AK8: variants seen among roughly 807,000 people sequenced by gnomAD.
AK8 encodes ATP-AMP transphosphorylase 8.
AK8 carries 44 observed loss-of-function variants against 54.6 expected under a neutral mutation model. That is an observed-to-expected ratio of 0.81 (90% CI 0.63 to 1.04). AK8 has a LOEUF of 1.04. Among genes scored for constraint, AK8 ranks in the 50% least tolerant of loss-of-function variants. AK8 has a pLI of 0.00. For missense variants in AK8, 555 were observed against 613.6 expected (o/e 0.90, Z 1.01); for synonymous variants, 239 against 245.6 (o/e 0.97, Z 0.25).
At chr9:132,816,240 G>C (rs1841321662) in intron 9 of AK8, among the ~76,000 whole-genome samples, 1 of 152,000 alleles carries the variant, frequency 6.6e-6, no homozygotes, top group Non-Finnish European at 1.5e-5. Context: ...TGTAATCCCA[G>C]CTACTTGGGA....
At chr9:132,786,758 G>A (rs1449999627) in intron 11 of AK8, among the ~76,000 whole-genome samples, 1 of 151,562 alleles carries the variant, frequency 6.6e-6, no homozygotes, top group Non-Finnish European at 1.5e-5. Context: ...AACATCTAAG[G>A]GTAAAAAAAG....
chr9:132,798,191 C>T (rs1588142182), intron 10 of AK8, among the ~76,000 whole-genome samples: 2 of 152,286 alleles, frequency 1.3e-5, no homozygotes, highest in East Asian at 3.9e-4. Context: ...TGGCAGCACG[C>T]AGGGTTGAGG....
At position 132,878,195 on chromosome 9, in the gene AK8, T is replaced by C. The variant is rs757727943; in HGVS notation, c.61A>G (p.Asn21Asp). The C allele has an allele frequency of 2.0e-6, 3 of 1,478,262 alleles. No individual in the cohort carries two copies. Among genetic ancestry groups the C allele is most frequent in the Non-Finnish European group, 2.7e-6 (3 of 1,112,118 alleles). 91.6% of individuals were successfully genotyped at this position (1,478,262 alleles called of 1,614,324 possible). A position where few individuals can be genotyped will look rare whatever the true frequency, so the allele number is the denominator to read the frequency against. Residue 21 changes from asparagine (N) to aspartate (D), a missense_variant, in exon 1 of 13, where the codon AAC becomes GAC. Physicochemically the swap from Asn to Asp is conservative, Grantham distance 23. Coordinates refer to ENST00000298545, the MANE Select transcript of AK8 (RefSeq NM_152572.3). This position sits in a 1 kb window ranked among gnomAD's most constrained non-coding sequence, Gnocchi z 4.7. ...PPEMPQYGEENHIFELMQNML... is the reference protein window; with the variant it reads ...PPEMPQYGEEDHIFELMQNML... ...ACCTGCATCAACTCGAAGATGTGGT[T>C]CTCCTCCCCGTACTGGGGCATCTCG...
intron 11 of AK8, among the ~76,000 whole-genome samples, chr9:132,733,273 G>A (rs767397571): frequency 1.3e-5 from 2 of 151,824 alleles, no homozygotes; most frequent in African/African-American, 4.8e-5. Context: ...GGGAGTGCAG[G>A]TGTCGCAGCG....
intron 2 of AK8, among the ~76,000 whole-genome samples, chr9:132,873,943 A>G (rs1300336904): frequency 6.6e-6 from 1 of 152,188 alleles, no homozygotes; most frequent in Non-Finnish European, 1.5e-5. Flanking sequence ...GGTCTCTAAG[A>G]GTCGCTGCAG....
chr9:132,877,872 G>C (rs1017755718), intron 1 of AK8: 2 of 660,686 alleles, frequency 3.0e-6, no homozygotes, highest in Non-Finnish European at 5.5e-6. Flanking sequence ...CCGAGAAAAG[G>C]AAAGGACTGG....
At chr9:132,866,072 C>T (rs1476618091) in intron 3 of AK8, among the ~76,000 whole-genome samples, 1 of 151,920 alleles carries the variant, frequency 6.6e-6, no homozygotes, top group Non-Finnish European at 1.5e-5. Flanking sequence ...GTGGTGCATG[C>T]CTGTAGTCCC....
chr9:132,856,244 G>A (rs1843168948), intron 4 of AK8, among the ~76,000 whole-genome samples: 2 of 152,290 alleles, frequency 1.3e-5, no homozygotes, highest in Non-Finnish European at 1.5e-5. Flanking sequence ...GGGGCCTCCT[G>A]GCACAGCCTT....
rs753517737 is a variant in AK8, at chr9:132,727,426, T to C, written c.1202+28A>G. On this transcript the variant is annotated intron_variant, in intron 12 of 12. Coordinates refer to ENST00000298545, the MANE Select transcript of AK8 (RefSeq NM_152572.3). Reference sequence around the variant, plus strand: ...GTCTGGCCCCTGGCAGTCCCCAGACTGCCAACCACCAGGAACACAGCACAA... The same window carrying C: ...GTCTGGCCCCTGGCAGTCCCCAGACCGCCAACCACCAGGAACACAGCACAA... The C allele has an allele frequency of 7.4e-6, 12 of 1,611,620 alleles. No individual in the cohort carries two copies. The African/African-American group carries it at 1.2e-4, about 16-fold the overall frequency.
intron 11 of AK8, among the ~76,000 whole-genome samples, chr9:132,733,333 A>T (rs1217616002): frequency 2.0e-5 from 3 of 152,162 alleles, no homozygotes; most frequent in African/African-American, 7.2e-5. Context: ...CACCCCCGGT[A>T]CTGCAAGGCC....
At chr9:132,729,808 T>TG (rs1836749664) in intron 11 of AK8, among the ~76,000 whole-genome samples, 1 of 152,146 alleles carries the variant, frequency 6.6e-6, no homozygotes, top group African/African-American at 2.4e-5. Flanking sequence ...CAACAAACAC[T>TG]CCCTGTGCAC....
At chr9:132,757,713 A>C (rs1838256671) in intron 11 of AK8, among the ~76,000 whole-genome samples, 2 of 152,306 alleles carry the variant, frequency 1.3e-5, no homozygotes, top group South Asian at 4.2e-4. Flanking sequence ...TCTTGTGGCC[A>C]GCCCCCCGAA....
At chr9:132,743,829 ACT>A (rs1837509138) in intron 11 of AK8, among the ~76,000 whole-genome samples, 1 of 152,120 alleles carries the variant, frequency 6.6e-6, no homozygotes, top group Non-Finnish European at 1.5e-5. Flanking sequence ...GGGTGCAAAG[ACT>A]CGGGCTCTGA....
At chr9:132,857,934 C>A (rs1483238138) in intron 4 of AK8, among the ~76,000 whole-genome samples, 1 of 152,216 alleles carries the variant, frequency 6.6e-6, no homozygotes, top group Non-Finnish European at 1.5e-5. Flanking sequence ...GAAGCCCTGC[C>A]AAACTGTCTT....
Position 132,876,728 on chromosome 9 carries a change from A to T in AK8, c.84+1444T>A, listed in dbSNP as rs117649936. Among the ~76,000 whole-genome samples the T allele has an allele frequency of 8.5e-3, 1,295 of 152,304 alleles. 10 individuals are homozygous for T. Among genetic ancestry groups the T allele is most frequent in the Admixed American group, 0.015 (230 of 15,300 alleles). On this transcript the variant is annotated intron_variant, in intron 1 of 12. Coordinates refer to ENST00000298545, the MANE Select transcript of AK8 (RefSeq NM_152572.3). ...TGAATCTAACATTATTTTAAAATCA[A>T]AAGTATAAAAAATGGAAATGGTCAA...
At chr9:132,805,285 G>T (rs575959490) in intron 10 of AK8, among the ~76,000 whole-genome samples, 1 of 152,224 alleles carries the variant, frequency 6.6e-6, no homozygotes, top group East Asian at 1.9e-4. Flanking sequence ...GGGTTGGGTT[G>T]GGTTTCTTTT....
intron 4 of AK8, 132 bp from the exon 5 acceptor site, chr9:132,855,057 C>T: frequency 1.2e-6 from 1 of 818,384 alleles, no homozygotes; most frequent in South Asian, 1.5e-5. Flanking sequence ...CCCGCCCTTC[C>T]TCCACCCGCT....
chr9:132,754,501 C>A (rs893044011), intron 11 of AK8, among the ~76,000 whole-genome samples: 25 of 152,284 alleles, frequency 1.6e-4, no homozygotes, highest in African/African-American at 6.0e-4. Flanking sequence ...TCGGCCCCAT[C>A]CCCATCTGAT....
chr9:132,811,195 T>G (rs556272876), intron 10 of AK8, among the ~76,000 whole-genome samples: 5 of 152,296 alleles, frequency 3.3e-5, no homozygotes, highest in African/African-American at 1.2e-4. Flanking sequence ...CAAAAAGATG[T>G]CCACATCCTA....
Sources: allele counts gnomAD v4.1 joint callset (sites outside exome capture counted in the v4.1 genomes callset), GRCh38; gene constraint gnomAD v4.1.1; non-coding constraint Gnocchi (gnomAD v3.1); transcripts MANE v1.5; gene names NCBI Gene and HGNC (gene_info 2026-07-23, HGNC 2026-07-21).